Variants in LMNA observed in about 807,000 individuals in gnomAD.
LMNA encodes the protein lamin A/C.
A neutral mutation model predicts 70.4 loss-of-function variants in LMNA; 20 were observed. The observed-to-expected ratio is 0.28, with a 90% CI of 0.20 to 0.41. LMNA has a LOEUF of 0.41. LMNA is among the 10% of genes least tolerant of loss of function. LMNA has a pLI of 1.00. For missense variants in LMNA, 652 were observed against 917.2 expected (o/e 0.71, Z 3.73); for synonymous variants, 339 against 372.8 (o/e 0.91, Z 1.04).
upstream of LMNA, among the ~76,000 whole-genome samples, chr1:156,110,048 G>A (rs1333338453): frequency 6.6e-6 from 1 of 151,662 alleles, no homozygotes; most frequent in Non-Finnish European, 1.5e-5. Flanking sequence ...TCACTATGTT[G>A]GCCAGGTTGG....
chr1:156,098,362 A>G (rs1649018862), intron 3 of LMNA, among the ~76,000 whole-genome samples: 1 of 152,258 alleles, frequency 6.6e-6, no homozygotes, highest in South Asian at 2.1e-4. Context: ...CTGTAATCCC[A>G]GAAAGGACTT....
At chr1:156,122,930 C>A (rs1000623199) in intron 1 of LMNA, among the ~76,000 whole-genome samples, 10 of 152,250 alleles carry the variant, frequency 6.6e-5, no homozygotes, top group Non-Finnish European at 1.3e-4. Context: ...CCTCCCTTCA[C>A]CCCTGCCTCC....
rs759083379 is a variant in LMNA at position 156,135,895 on chromosome 1, C to G, written c.937-6C>G. ...GAGCTCACCAAACCCTCCCACCCCCCTTCAGCTGGCAGCCAAGGAGGCGAA... is the reference window on the plus strand; with the variant it reads ...GAGCTCACCAAACCCTCCCACCCCCGTTCAGCTGGCAGCCAAGGAGGCGAA... On this transcript the variant is annotated splice_polypyrimidine_tract_variant and splice_region_variant and intron_variant, in intron 5 of 11. Coordinates refer to ENST00000368300, the MANE Select transcript of LMNA (RefSeq NM_170707.4). The surrounding 1 kb of genome is among the most constrained non-coding windows in gnomAD (Gnocchi z 4.8). 1 of 1,613,246 alleles carries G rather than the reference C, an allele frequency of 6.2e-7. No homozygotes were observed. The highest frequency in any genetic ancestry group is 1.7e-5 in the Admixed American group (1 of 60,016).
chr1:156,098,701 T>A (rs1367355981), intron 3 of LMNA, among the ~76,000 whole-genome samples: 1 of 151,344 alleles, frequency 6.6e-6, no homozygotes, highest in African/African-American at 2.4e-5. Flanking sequence ...GGTGGGAGAG[T>A]ACTTGTGAAC....
Position 156,102,903 on chromosome 1 carries a change from G to A in LMNA, c.-206-11810G>A, listed in dbSNP as rs540220962. Among the ~76,000 whole-genome samples, 100 of 152,152 alleles carry A rather than the reference G, an allele frequency of 6.6e-4. 1 individual carries two copies. Among genetic ancestry groups the A allele is most frequent in the African/African-American group, 1.2e-4 (5 of 41,422 alleles). ...ATATGCTGTGTCTATAGGTCTTCCC[G>A]TAACTGCTGCGTCCCGGCCCACCCT... On this transcript the variant is annotated intron_variant, in intron 3 of 12. Coordinates refer to the LMNA transcript ENST00000368301.
chr1:156,113,392 G>C (rs2102813494), upstream of LMNA, among the ~76,000 whole-genome samples: 1 of 152,118 alleles, frequency 6.6e-6, no homozygotes, highest in South Asian at 2.1e-4. Flanking sequence ...TGAGGGGAGG[G>C]GAGTGGAAGG....
At chr1:156,097,393 T>G (rs1351601891) in intron 3 of LMNA, among the ~76,000 whole-genome samples, 1 of 152,248 alleles carries the variant, frequency 6.6e-6, no homozygotes, top group South Asian at 2.1e-4. Context: ...TGCCAGCTAC[T>G]GGCAGGGAAA....
At chr1:156,133,453 C>T (rs1038973863) in intron 2 of LMNA, among the ~76,000 whole-genome samples, 1 of 151,894 alleles carries the variant, frequency 6.6e-6, no homozygotes, top group Non-Finnish European at 1.5e-5. Flanking sequence ...TGTCTGTAGT[C>T]CCAGCTACTC....
Position 156,096,631 on chromosome 1 carries a change from T to A in LMNA, c.-207+6049T>A, listed in dbSNP as rs147141011. Among the ~76,000 whole-genome samples, 13 of 152,356 alleles carry A rather than the reference T, an allele frequency of 8.5e-5. No homozygotes were observed. The East Asian group carries it at 2.5e-3, about 29-fold the overall frequency. Reference sequence around the variant, plus strand: ...TTATCCATGAAGATGAAAGCTGTCTTTGGCACCCAGATGGTACTGAGTAAA... The same window carrying A: ...TTATCCATGAAGATGAAAGCTGTCTATGGCACCCAGATGGTACTGAGTAAA... On this transcript the variant is annotated intron_variant, in intron 3 of 12. Coordinates refer to the LMNA transcript ENST00000368301.
Position 156,139,451 on chromosome 1 carries a change from C to A in LMNA, c.*345C>A, listed in dbSNP as rs1651932729. 1 of 1,341,094 alleles carries A rather than the reference C, an allele frequency of 7.5e-7. No individual in the cohort carries two copies. The highest frequency in any genetic ancestry group is 9.5e-7 in the Non-Finnish European group (1 of 1,048,068). The allele number at this position is 1,341,094 out of a possible 1,614,324, so 83.1% of individuals were successfully genotyped here. On this transcript the variant is annotated 3_prime_UTR_variant, in exon 12 of 12. Transcript: ENST00000368300. Reference sequence around the variant, plus strand: ...AGGGAAAGGGGTGCTTTTATAGAGGCTAGCTTCTGCTTTTCTGCCCTGGCT... The same window carrying A: ...AGGGAAAGGGGTGCTTTTATAGAGGATAGCTTCTGCTTTTCTGCCCTGGCT...
intron 1 of LMNA, among the ~76,000 whole-genome samples, chr1:156,119,220 C>T (rs1453109388): frequency 1.3e-5 from 2 of 151,690 alleles, no homozygotes; most frequent in African/African-American, 2.4e-5. Context: ...CAGGTTCAAG[C>T]GATTCTCCTG....
intron 1 of LMNA, among the ~76,000 whole-genome samples, chr1:156,119,913 C>T (rs1364551426): frequency 6.6e-6 from 1 of 152,204 alleles, no homozygotes; most frequent in Non-Finnish European, 1.5e-5. Context: ...GGACACATAG[C>T]TCTCTCTGGA....
At position 156,134,659 on chromosome 1, in the gene LMNA, G is replaced by C; in HGVS notation, c.639+131G>C. ...TTGCCCTAGTGGACAGGGAGTTGGG[G>C]GTGGCCAGCACTCAGCTCCCAGGTT... On this transcript the variant is annotated intron_variant, in intron 3 of 11. Transcript: ENST00000368300. The surrounding 1 kb of genome is among the most constrained non-coding windows in gnomAD (Gnocchi z 5.3). 6.5e-7 allele frequency: 1 copy of C among 1,536,010 alleles called. No homozygotes were observed. Among genetic ancestry groups the C allele is most frequent in the South Asian group, 1.1e-5 (1 of 88,496 alleles).
rs1434128156 is a variant in LMNA at position 156,137,453 on chromosome 1, A to G, written c.1609-201A>G. ...AGTGAGGATTGTTAAAGGCAGAGCC[A>G]TACTCCTACCCGGAGAGCTTGACAG... On this transcript the variant is annotated intron_variant, in intron 9 of 11. Transcript: ENST00000368300. This position sits in a 1 kb window ranked among gnomAD's most constrained non-coding sequence, Gnocchi z 4.6. The G allele has an allele frequency of 5.5e-5, 43 of 775,122 alleles. No individual in the cohort carries two copies. In the Admixed American group the frequency reaches 8.9e-4, roughly 16 times the overall value. 48.0% of individuals were successfully genotyped at this position (775,122 alleles called of 1,614,324 possible). A position where few individuals can be genotyped will look rare whatever the true frequency, so the allele number is the denominator to read the frequency against.
Position 156,139,374 on chromosome 1 carries a change from C to T in LMNA, c.*268C>T. The stretch of plus-strand genomic sequence containing the variant: ...CTCCTCCCTTCCTTTTCCCTGCTTC[C>T]AGGAAACTCCACATCTGCCTTAAAA... On this transcript the variant is annotated 3_prime_UTR_variant, in exon 12 of 12. Transcript: ENST00000368300. 1 of 1,386,850 alleles carries T rather than the reference C, an allele frequency of 7.2e-7. No homozygotes were observed. Among genetic ancestry groups the T allele is most frequent in the Non-Finnish European group, 9.3e-7 (1 of 1,074,726 alleles). The allele number at this position is 1,386,850 out of a possible 1,614,324, so 85.9% of individuals were successfully genotyped here.
At chr1:156,105,702 C>A (rs1649306508) in intron 3 of LMNA, among the ~76,000 whole-genome samples, 1 of 152,166 alleles carries the variant, frequency 6.6e-6, no homozygotes, top group Non-Finnish European at 1.5e-5. Context: ...GCCAAACTTT[C>A]CACATGATCC....
At chr1:156,127,035 C>T in intron 1 of LMNA, 1 of 1,009,642 alleles carries the variant, frequency 9.9e-7, no homozygotes, top group Non-Finnish European at 1.4e-6. Flanking sequence ...CCTGTCCTCC[C>T]TGCCAACCCA....
intron 1 of LMNA, among the ~76,000 whole-genome samples, chr1:156,117,810 A>G (rs1649935908): frequency 6.6e-6 from 1 of 151,564 alleles, no homozygotes; most frequent in Non-Finnish European, 1.5e-5. Flanking sequence ...TTTTTATTAT[A>G]TTTTTCAGAG....
Position 156,137,369 on chromosome 1 carries a change from C to T in LMNA, c.1608+137C>T, listed in dbSNP as rs371986782. The T allele has an allele frequency of 1.6e-4, 191 of 1,186,066 alleles. 1 individual carries two copies. In the East Asian group the frequency reaches 1.9e-3, roughly 12 times the overall value. 73.5% of individuals were successfully genotyped at this position (1,186,066 alleles called of 1,614,324 possible). ...TCTCTGTTGCAGGCTCCAGACTTCT[C>T]CACCCAGTAGGCAAACCAAAAGATG... On this transcript the variant is annotated intron_variant, in intron 9 of 11. Transcript: ENST00000368300. This position sits in a 1 kb window ranked among gnomAD's most constrained non-coding sequence, Gnocchi z 4.6.
Sources: gnomAD v4.1 joint callset for allele counts (sites outside exome capture counted in the v4.1 genomes callset) on GRCh38, gnomAD v4.1.1 for gene constraint, Gnocchi (gnomAD v3.1) non-coding constraint, MANE v1.5 for transcripts, NCBI Gene and HGNC (gene_info 2026-07-23, HGNC 2026-07-21) for gene names.